The following HEG1 variants were observed in gnomAD, a reference collection of about 807,000 sequenced individuals.
HEG1 encodes the protein heart development protein with EGF like domains 1.
In HEG1, 56 loss-of-function variants were observed where a neutral mutation model predicts 125.6. The ratio of observed to expected loss-of-function variants is 0.45; its 90% CI spans 0.36 to 0.56. The LOEUF is 0.56. HEG1 is among the 20% of genes least tolerant of loss of function. HEG1 has a pLI of 0.00. For missense variants in HEG1, 1,523 were observed against 1,670.0 expected, an observed-to-expected ratio of 0.91 and a Z score of 1.53; for synonymous variants, 644 against 668.5, an observed-to-expected ratio of 0.96 and a Z score of 0.57.
At chr3:124,973,136 C>G (rs1464980392) in intron 16 of HEG1, among the ~76,000 whole-genome samples, 1 of 152,038 alleles carries the variant, frequency 6.6e-6, no homozygotes, top group Non-Finnish European at 1.5e-5. Flanking sequence ...ATCCTCCCAT[C>G]TTAGCCTCTC....
intron 1 of HEG1, among the ~76,000 whole-genome samples, chr3:125,042,719 C>G (rs1346565130): frequency 1.3e-5 from 2 of 152,220 alleles, no homozygotes; most frequent in Non-Finnish European, 2.9e-5. Context: ...AGGGGCCCTT[C>G]CCCTGCAGGC....
chr3:125,035,352 T>G (rs141486253), intron 1 of HEG1, among the ~76,000 whole-genome samples: 15 of 152,300 alleles, frequency 9.8e-5, no homozygotes, highest in Non-Finnish European at 2.2e-4. Context: ...ACGAAACATG[T>G]ACCTCTATCA....
chr3:125,041,832 G>A (rs892158782), intron 1 of HEG1, among the ~76,000 whole-genome samples: 3 of 152,194 alleles, frequency 2.0e-5, no homozygotes, highest in Non-Finnish European at 4.4e-5. Flanking sequence ...GATGGTAAGT[G>A]AAATAAGCCA....
chr3:125,021,187 T>C, intron 3 of HEG1, 57 bp from the exon 4 acceptor site: 1 of 1,300,020 alleles, frequency 7.7e-7, no homozygotes, highest in South Asian at 1.5e-5. Flanking sequence ...AAATCCGGAC[T>C]ATATTCGAGA....
chr3:125,018,864 CTTTT>C (rs755310479), intron 5 of HEG1, among the ~76,000 whole-genome samples: 1 of 119,636 alleles, frequency 8.4e-6, no homozygotes, highest in East Asian at 2.3e-4. Context: ...TTCATGCATG[CTTTT>C]TTTTTTTTTT....
chr3:125,033,219 C>CA (rs1443655556), intron 1 of HEG1, among the ~76,000 whole-genome samples: 1 of 152,078 alleles, frequency 6.6e-6, no homozygotes, highest in African/African-American at 2.4e-5. Context: ...AATCTGAGGC[C>CA]AAAAATGAAC....
intron 5 of HEG1, chr3:125,015,073 C>T: frequency 8.7e-7 from 1 of 1,143,788 alleles, no homozygotes; most frequent in South Asian, 1.6e-5. Context: ...AGGATCGTGC[C>T]CCAAGCCTCA....
intron 3 of HEG1, among the ~76,000 whole-genome samples, chr3:125,022,383 A>G (rs1490764913): frequency 6.8e-6 from 1 of 146,130 alleles, no homozygotes; most frequent in East Asian, 2.0e-4. Context: ...ATAAATTTTA[A>G]GTATCACTAC....
At chr3:124,993,890 A>G (rs1026860841) in intron 12 of HEG1, among the ~76,000 whole-genome samples, 3 of 151,856 alleles carry the variant, frequency 2.0e-5, no homozygotes, top group African/African-American at 7.3e-5. Context: ...ATATTTCTCT[A>G]TTTCAAATGG....
chr3:125,021,622 C>T (rs1937336826), intron 3 of HEG1, among the ~76,000 whole-genome samples: 1 of 152,082 alleles, frequency 6.6e-6, no homozygotes, highest in Non-Finnish European at 1.5e-5. Context: ...TTGAGGAGGC[C>T]GAGGGTTTTG....
chr3:125,055,873 G>C lies in HEG1; in HGVS notation c.18C>G (p.Ala6=). MASPR[A]SRWPPPLLLL... is the part of the protein sequence containing the mutation. ...GCAGGAGCGGCGGCGGCCACCGCGAGGCGCGCGGCGAGGCCATGGTGACGG... is the reference window on the plus strand; with the variant it reads ...GCAGGAGCGGCGGCGGCCACCGCGACGCGCGCGGCGAGGCCATGGTGACGG... The change falls in exon 1 of 17, where the codon GCC becomes GCG. Residue 6 remains alanine, a synonymous_variant. Coordinates refer to ENST00000311127, the MANE Select transcript of HEG1 (RefSeq NM_020733.2). The C allele has an allele frequency of 2.0e-6, 2 of 983,456 alleles. No individual in the cohort carries two copies. Among genetic ancestry groups the C allele is most frequent in the Non-Finnish European group, 2.4e-6 (2 of 829,950 alleles). 60.9% of individuals were successfully genotyped at this position (983,456 alleles called of 1,614,324 possible). A position where few individuals can be genotyped will look rare whatever the true frequency, so the allele number is the denominator to read the frequency against.
chr3:125,046,938 C>G (rs1937680841), intron 1 of HEG1, among the ~76,000 whole-genome samples: 1 of 152,250 alleles, frequency 6.6e-6, no homozygotes, highest in Non-Finnish European at 1.5e-5. Context: ...TGTGGTCACA[C>G]CTGGCATACT....
chr3:125,010,829 T>C (rs528790319), intron 6 of HEG1, among the ~76,000 whole-genome samples: 2 of 152,348 alleles, frequency 1.3e-5, no homozygotes, highest in South Asian at 2.1e-4. Flanking sequence ...GGTCACTCCA[T>C]TCAGGATTGA....
In HEG1 at chr3:124,987,952, C is replaced by CACACACACACACATAT; in HGVS notation, c.3733+2834_3733+2835insATATGTGTGTGTGTGT. Among the ~76,000 whole-genome samples, 183 of 54,668 alleles carry CACACACACACACATAT rather than the reference C, an allele frequency of 3.3e-3. 7 individuals are homozygous for CACACACACACACATAT. Among genetic ancestry groups the CACACACACACACATAT allele is most frequent in the East Asian group, 0.021 (44 of 2,122 alleles). 35.9% of individuals were successfully genotyped at this position (54,668 alleles called of 152,430 possible). A position where few individuals can be genotyped will look rare whatever the true frequency, so the allele number is the denominator to read the frequency against. ...ACACACACACACACACACACACACA[C>CACACACACACACATAT]ATATATATATATATATATATATACC... On this transcript the variant is annotated intron_variant, in intron 14 of 16. Transcript: ENST00000311127.
At chr3:125,029,147 A>G in intron 2 of HEG1, 48 bp downstream of exon 2, 1 of 1,562,878 alleles carries the variant, frequency 6.4e-7, no homozygotes, top group Non-Finnish European at 8.7e-7. Context: ...TTTGTTTTCC[A>G]GGACTGGACA....
intron 1 of HEG1, among the ~76,000 whole-genome samples, chr3:125,047,434 C>T (rs1007820665): frequency 2.6e-5 from 4 of 152,218 alleles, no homozygotes; most frequent in Non-Finnish European, 5.9e-5. Flanking sequence ...ACTGACCGCA[C>T]AGAGAGGCTA....
Position 125,020,815 on chromosome 3 carries a change from A to G in HEG1, c.1229T>C (p.Leu410Ser). The G allele has an allele frequency of 1.2e-6, 2 of 1,613,380 alleles. No homozygotes were observed. Among genetic ancestry groups the G allele is most frequent in the Non-Finnish European group, 1.7e-6 (2 of 1,179,378 alleles). ...STENEFGLTS[L>S]RWQNDSPTFG... ...ACTTGGGGAATCATTTTGCCAACGC[A>G]AAGACGTAAGTCCAAATTCATTTTC... The change falls in exon 4 of 17, where the codon TTG becomes TCG. Residue 410 changes from leucine to serine, a missense_variant. Transcript: ENST00000311127.
chr3:125,034,968 G>A (rs113159961), intron 1 of HEG1, among the ~76,000 whole-genome samples: 1 of 152,024 alleles, frequency 6.6e-6, no homozygotes, highest in Non-Finnish European at 1.5e-5. Flanking sequence ...TGAAAACATT[G>A]ATTTAATTTT....
intron 1 of HEG1, among the ~76,000 whole-genome samples, chr3:125,036,369 T>C (rs762374068): frequency 6.6e-6 from 1 of 151,814 alleles, no homozygotes; most frequent in Admixed American, 6.6e-5. Flanking sequence ...GTTAGAGATA[T>C]GGAAAAAATT....
Sources: gnomAD v4.1 joint callset for allele counts (sites outside exome capture counted in the v4.1 genomes callset) on GRCh38, gnomAD v4.1.1 for gene constraint, MANE v1.5 for transcripts, NCBI Gene and HGNC (gene_info 2026-07-23, HGNC 2026-07-21) for gene names.